The following AGAP1 variants were observed in gnomAD, a reference collection of about 807,000 sequenced individuals.
AGAP1 encodes the protein ArfGAP with GTPase domain, ankyrin repeat and PH domain 1, also known as arf-GAP with GTPase, ANK repeat and PH domain-containing protein 1.
Under a neutral mutation model 105.3 loss-of-function variants are expected in AGAP1, and 29 were observed. The observed-to-expected ratio is 0.28, with a 90% CI of 0.21 to 0.38. The LOEUF (loss-of-function observed/expected upper bound fraction) is 0.38, where lower values mean the gene tolerates loss of function less well. Ranked by LOEUF, AGAP1 falls within the 10% of genes least tolerant of loss-of-function variation. AGAP1 has a pLI of 1.00. For synonymous variants in AGAP1, 509 were observed against 485.9 expected (o/e 1.05, Z -0.63); for missense variants, 998 against 1,165.1 (o/e 0.86, Z 2.09).
intron 12 of AGAP1, among the ~76,000 whole-genome samples, chr2:235,946,473 G>T (rs1225745235): frequency 2.0e-5 from 3 of 151,888 alleles, no homozygotes; most frequent in Non-Finnish European, 4.4e-5. Context: ...GCCCGGCCAG[G>T]CCTTTTCCAC....
intron 1 of AGAP1, among the ~76,000 whole-genome samples, chr2:235,650,637 T>G: frequency 6.6e-6 from 1 of 152,196 alleles, no homozygotes; most frequent in East Asian, 1.9e-4. Context: ...AGCTTGCTCT[T>G]TACCCTGCTC....
chr2:235,536,756 A>G (rs1943252631), intron 1 of AGAP1, among the ~76,000 whole-genome samples: 1 of 152,070 alleles, frequency 6.6e-6, no homozygotes, highest in South Asian at 2.1e-4. Context: ...GGCATCCCCA[A>G]GTGCAGCGGT....
chr2:235,942,238 G>C (rs759871202), intron 12 of AGAP1, among the ~76,000 whole-genome samples: 2 of 152,142 alleles, frequency 1.3e-5, no homozygotes, highest in Non-Finnish European at 2.9e-5. Context: ...GACAACCCGC[G>C]ATTCCCCTGG....
At chr2:235,675,554 G>C (rs944258220) in intron 1 of AGAP1, among the ~76,000 whole-genome samples, 3 of 152,112 alleles carry the variant, frequency 2.0e-5, no homozygotes, top group African/African-American at 7.2e-5. Context: ...TTAGTCTTTT[G>C]TTATTAGAAT....
chr2:235,813,061 A>G (rs890452219), intron 9 of AGAP1, among the ~76,000 whole-genome samples: 2 of 152,172 alleles, frequency 1.3e-5, no homozygotes, highest in Admixed American at 6.5e-5. Context: ...CAGTGCTTTT[A>G]CTTTGACTCC....
intron 16 of AGAP1, among the ~76,000 whole-genome samples, chr2:236,098,856 C>T (rs1230174881): frequency 6.6e-6 from 1 of 151,700 alleles, no homozygotes; most frequent in Non-Finnish European, 1.5e-5. Context: ...CTCTTGGCTT[C>T]GAGTGATCTT....
At position 236,109,713 on chromosome 2, in the gene AGAP1, T is replaced by C. The variant is rs913783388; in HGVS notation, c.2115-10479T>C. Among the ~76,000 whole-genome samples, 1 of 152,156 alleles carries C rather than the reference T, an allele frequency of 6.6e-6. No individual in the cohort carries two copies. Among genetic ancestry groups the C allele is most frequent in the African/African-American group, 2.4e-5 (1 of 41,466 alleles). ...CGTGGAAACGTTCTGGATCCGAGCATCCCAGGGTAGCAGCTGCCAACCACA... is the reference window on the plus strand; with the variant it reads ...CGTGGAAACGTTCTGGATCCGAGCACCCCAGGGTAGCAGCTGCCAACCACA... On this transcript the variant is annotated intron_variant, in intron 16 of 17. Coordinates refer to ENST00000304032, the MANE Select transcript of AGAP1 (RefSeq NM_001037131.3). The surrounding 1 kb of genome is among the most constrained non-coding windows in gnomAD (Gnocchi z 5.4).
chr2:235,777,014 G>C lies in AGAP1; in HGVS notation c.674-20745G>C. 2.1e-6 allele frequency: 1 copy of C among 471,180 alleles called. No homozygotes were observed. The highest frequency in any genetic ancestry group is 1.5e-5 in the South Asian group (1 of 64,564). The allele number at this position is 471,180 out of a possible 1,614,324, so 29.2% of individuals were successfully genotyped here. On this transcript the variant is annotated intron_variant, in intron 6 of 17. Transcript: ENST00000304032. This position sits in a 1 kb window ranked among gnomAD's most constrained non-coding sequence, Gnocchi z 5.1. ...TCCCAGCACGTTTTATCATGTGAGC[G>C]TCTGCTCTTGAGAGGCCAGGCTGGA...
intron 16 of AGAP1, among the ~76,000 whole-genome samples, chr2:236,111,802 A>AG: frequency 6.6e-6 from 1 of 152,138 alleles, no homozygotes; most frequent in East Asian, 1.9e-4. Context: ...AAAAAAAAAA[A>AG]AAAAAGAAAG....
intron 10 of AGAP1, among the ~76,000 whole-genome samples, chr2:235,907,616 A>G (rs2051368955): frequency 6.6e-6 from 1 of 152,150 alleles, no homozygotes; most frequent in Non-Finnish European, 1.5e-5. Flanking sequence ...TGTTTTTCCA[A>G]GAGTAATTTT....
chr2:235,862,259 C>T (rs576303688), intron 9 of AGAP1, among the ~76,000 whole-genome samples: 30 of 152,176 alleles, frequency 2.0e-4, no homozygotes, highest in African/African-American at 5.3e-4. Context: ...CTAATCAGTT[C>T]GGGATGGTAT....
intron 16 of AGAP1, among the ~76,000 whole-genome samples, chr2:236,060,014 C>T (rs2058147708): frequency 6.6e-6 from 1 of 152,130 alleles, no homozygotes; most frequent in Admixed American, 6.6e-5. Flanking sequence ...TCACTTGAAC[C>T]CAAGAGTTGG....
intron 16 of AGAP1, among the ~76,000 whole-genome samples, chr2:236,071,128 G>A (rs1332428786): frequency 6.6e-6 from 1 of 152,264 alleles, no homozygotes; most frequent in Admixed American, 6.5e-5. Flanking sequence ...CACCTGCCCA[G>A]TCGGGCTTGG....
chr2:236,051,419 GGGAGGTGTCACT>G lies in AGAP1; in HGVS notation c.2114+2143_2114+2154del, dbSNP rs2057891015. Reference sequence around the variant, plus strand: ...GCCAGGGCTCGGGAGGGTGCATTCTGGGAGGTGTCACTGGAGAAATGGCATCTGAGCTGGACT... The same window carrying G: ...GCCAGGGCTCGGGAGGGTGCATTCTGGGAGAAATGGCATCTGAGCTGGACT... On this transcript the variant is annotated intron_variant, in intron 16 of 17. Coordinates refer to ENST00000304032, the MANE Select transcript of AGAP1 (RefSeq NM_001037131.3). The surrounding 1 kb of genome is among the most constrained non-coding windows in gnomAD (Gnocchi z 5.9). Among the ~76,000 whole-genome samples the G allele has an allele frequency of 6.6e-6, 1 of 152,184 alleles. No individual in the cohort carries two copies. Among genetic ancestry groups the G allele is most frequent in the African/African-American group, 2.4e-5 (1 of 41,450 alleles).
chr2:235,673,399 A>G (rs1434212532), intron 1 of AGAP1, among the ~76,000 whole-genome samples: 1 of 152,118 alleles, frequency 6.6e-6, no homozygotes, highest in African/African-American at 2.4e-5. Context: ...TCCCCAAACC[A>G]CTGGGGACAG....
In AGAP1 at chr2:235,623,784, G is replaced by T. The variant is rs1946557552; in HGVS notation, c.164-85395G>T. On this transcript the variant is annotated intron_variant, in intron 1 of 17. Coordinates refer to ENST00000304032, the MANE Select transcript of AGAP1 (RefSeq NM_001037131.3). This position sits in a 1 kb window ranked among gnomAD's most constrained non-coding sequence, Gnocchi z 4.5. ...TAATTTACATGTCAGATTTTTTTGA[G>T]TATTGTAGTTTTTTTCAATATTTAT... 6.6e-6 allele frequency among the ~76,000 whole-genome samples: 1 copy of T among 152,046 alleles called. No individual in the cohort carries two copies. The highest frequency in any genetic ancestry group is 6.6e-5 in the Admixed American group (1 of 15,254).
rs1952229716 is a variant in AGAP1, at chr2:235,736,054, G to A, written c.311-4909G>A. On this transcript the variant is annotated intron_variant, in intron 3 of 17. Coordinates refer to ENST00000304032, the MANE Select transcript of AGAP1 (RefSeq NM_001037131.3). This position sits in a 1 kb window ranked among gnomAD's most constrained non-coding sequence, Gnocchi z 5.5. ...TGTTTACCTCCTGTGATATCCTTGTGTCCTGGGGAAGCACAGATTTCAGTG... is the reference window on the plus strand; with the variant it reads ...TGTTTACCTCCTGTGATATCCTTGTATCCTGGGGAAGCACAGATTTCAGTG... Among the ~76,000 whole-genome samples the A allele has an allele frequency of 6.6e-6, 1 of 151,794 alleles. No individual in the cohort carries two copies. The highest frequency in any genetic ancestry group is 6.6e-5 in the Admixed American group (1 of 15,222).
At chr2:236,010,183 A>G (rs953935326) in intron 13 of AGAP1, among the ~76,000 whole-genome samples, 1 of 152,200 alleles carries the variant, frequency 6.6e-6, no homozygotes, top group African/African-American at 2.4e-5. Flanking sequence ...ATAAAAATTT[A>G]AGTTCCTCAT....
intron 1 of AGAP1, among the ~76,000 whole-genome samples, chr2:235,592,906 G>T (rs1945399420): frequency 6.6e-6 from 1 of 152,126 alleles, no homozygotes; most frequent in South Asian, 2.1e-4. Context: ...GTGTCTCAGG[G>T]AGACACCTGG....
Sources: allele counts gnomAD v4.1 joint callset (sites outside exome capture counted in the v4.1 genomes callset), GRCh38; gene constraint gnomAD v4.1.1; non-coding constraint Gnocchi (gnomAD v3.1); transcripts MANE v1.5; gene names NCBI Gene and HGNC (gene_info 2026-07-23, HGNC 2026-07-21).